Variants in CNTN3 observed in about 807,000 individuals in gnomAD.
CNTN3 encodes the protein contactin 3, also known as contactin-3.
CNTN3 carries 60 observed loss-of-function variants against 119.1 expected under a neutral mutation model. The observed-to-expected ratio is 0.50, with a 90% CI of 0.41 to 0.62. The LOEUF is 0.62. Ranked by LOEUF, CNTN3 falls within the 20% of genes least tolerant of loss-of-function variation. The probability of loss-of-function intolerance (pLI) is 0.00; values close to 1 mark genes in which losing one functional copy is unlikely to be tolerated. For missense variants in CNTN3, 1,101 were observed against 1,242.4 expected (o/e 0.89, Z 1.71); for synonymous variants, 450 against 438.7 (o/e 1.03, Z -0.32).
chr3:74,555,563 G>A (rs888327657), intron 1 of CNTN3, among the ~76,000 whole-genome samples: 40 of 152,172 alleles, frequency 2.6e-4, no homozygotes, highest in Middle Eastern at 3.4e-3. Flanking sequence ...TGGTTGGTAG[G>A]CTATTAATTA....
chr3:74,427,113 A>G (rs1216990998), intron 4 of CNTN3, among the ~76,000 whole-genome samples: 1 of 152,254 alleles, frequency 6.6e-6, no homozygotes, highest in Non-Finnish European at 1.5e-5. Context: ...AGAGACAAGC[A>G]TGGCTACTCT....
intron 1 of CNTN3, among the ~76,000 whole-genome samples, chr3:74,557,847 C>T (rs1704094421): frequency 6.6e-6 from 1 of 152,038 alleles, no homozygotes; most frequent in African/African-American, 2.4e-5. Context: ...AGTATTTTGT[C>T]CTATTAGCTG....
chr3:74,548,720 T>C (rs527534075), intron 1 of CNTN3, among the ~76,000 whole-genome samples: 1 of 152,322 alleles, frequency 6.6e-6, no homozygotes, highest in Non-Finnish European at 1.5e-5. Context: ...GGGAATAACA[T>C]TATTCAATGA....
intron 2 of CNTN3, among the ~76,000 whole-genome samples, chr3:74,507,626 CTTT>C (rs59540461): frequency 1.4e-4 from 15 of 103,650 alleles, no homozygotes; most frequent in Admixed American, 8.4e-4. Flanking sequence ...TTCTTTCTTT[CTTT>C]TTTTTTTTTT....
chr3:74,308,639 C>T (rs1274472289), intron 13 of CNTN3, among the ~76,000 whole-genome samples: 1 of 151,124 alleles, frequency 6.6e-6, no homozygotes, highest in African/African-American at 2.4e-5. Flanking sequence ...CTGGCCAGTG[C>T]GATGTGTTGA....
At chr3:74,388,587 AATT>A (rs1704816038) in intron 5 of CNTN3, among the ~76,000 whole-genome samples, 2 of 152,200 alleles carry the variant, frequency 1.3e-5, no homozygotes, top group Non-Finnish European at 2.9e-5. Flanking sequence ...AAATCCCAGT[AATT>A]ATATTTAGTC....
At chr3:74,393,934 T>C (rs1396023902) in intron 5 of CNTN3, among the ~76,000 whole-genome samples, 2 of 152,118 alleles carry the variant, frequency 1.3e-5, no homozygotes, top group East Asian at 1.9e-4. Context: ...ACTTAGAGCA[T>C]CATAAAAGTA....
At chr3:74,557,405 C>G (rs1260430642) in intron 1 of CNTN3, among the ~76,000 whole-genome samples, 1 of 151,976 alleles carries the variant, frequency 6.6e-6, no homozygotes, top group Non-Finnish European at 1.5e-5. Flanking sequence ...TTGAAACATC[C>G]ACTTGTAGAG....
intron 1 of CNTN3, among the ~76,000 whole-genome samples, chr3:74,572,281 T>C (rs923990232): frequency 1.3e-5 from 2 of 152,134 alleles, no homozygotes; most frequent in Non-Finnish European, 1.5e-5. Flanking sequence ...TAACCAGCAA[T>C]TGCACTTCCA....
intron 13 of CNTN3, among the ~76,000 whole-genome samples, chr3:74,311,396 T>C (rs544863509): frequency 6.0e-4 from 92 of 152,226 alleles, no homozygotes; most frequent in Non-Finnish European, 9.6e-4. Flanking sequence ...AATTTTAAAG[T>C]TAGGATAAGA....
At chr3:74,340,449 T>C (rs1703506437) in intron 11 of CNTN3, among the ~76,000 whole-genome samples, 1 of 151,942 alleles carries the variant, frequency 6.6e-6, no homozygotes, top group Admixed American at 6.6e-5. Flanking sequence ...AGAGAAGTCT[T>C]GGAGGAAAGA....
At chr3:74,527,067 T>C (rs996911482) in intron 1 of CNTN3, among the ~76,000 whole-genome samples, 6 of 151,920 alleles carry the variant, frequency 3.9e-5, no homozygotes, top group Non-Finnish European at 8.8e-5. Context: ...ATCATATGTA[T>C]ATATGTGTAT....
chr3:74,510,947 T>C (rs1440788429), intron 2 of CNTN3, among the ~76,000 whole-genome samples: 1 of 152,182 alleles, frequency 6.6e-6, no homozygotes, highest in South Asian at 2.1e-4. Context: ...GGCTAGTTTG[T>C]TTTTTTCAAG....
intron 5 of CNTN3, among the ~76,000 whole-genome samples, chr3:74,420,319 G>A (rs150643710): frequency 2.7e-4 from 41 of 152,288 alleles, no homozygotes; most frequent in Admixed American, 2.0e-3. Flanking sequence ...ATACTATCTT[G>A]TAAATTACAT....
intron 1 of CNTN3, among the ~76,000 whole-genome samples, chr3:74,554,466 A>T (rs934518747): frequency 6.6e-6 from 1 of 152,180 alleles, no homozygotes; most frequent in Non-Finnish European, 1.5e-5. Flanking sequence ...AGTCAGTGGT[A>T]GCTTGATGGG....
intron 1 of CNTN3, among the ~76,000 whole-genome samples, chr3:74,563,845 T>C (rs1320698073): frequency 6.6e-6 from 1 of 152,154 alleles, no homozygotes; most frequent in Admixed American, 6.6e-5. Flanking sequence ...TCTCATTGTG[T>C]GTTTTCTGAA....
At chr3:74,588,526 C>A (rs1004541557) in intron 1 of CNTN3, among the ~76,000 whole-genome samples, 3 of 152,030 alleles carry the variant, frequency 2.0e-5, no homozygotes, top group African/African-American at 7.2e-5. Context: ...AATGGCCATA[C>A]TGCCCAAGGT....
At chr3:74,294,107 C>T (rs1397536080) in intron 19 of CNTN3, among the ~76,000 whole-genome samples, 1 of 152,110 alleles carries the variant, frequency 6.6e-6, no homozygotes, top group Non-Finnish European at 1.5e-5. Flanking sequence ...GTGATGCAAA[C>T]CTGCCTGTGT....
intron 5 of CNTN3, among the ~76,000 whole-genome samples, chr3:74,394,715 G>C (rs1271404994): frequency 6.6e-6 from 1 of 152,142 alleles, no homozygotes; most frequent in East Asian, 1.9e-4. Flanking sequence ...AACAAAGTTA[G>C]AGAAAGGCTT....
Sources: gnomAD v4.1 joint callset for allele counts (sites outside exome capture counted in the v4.1 genomes callset) on GRCh38, gnomAD v4.1.1 for gene constraint, MANE v1.5 for transcripts, NCBI Gene and HGNC (gene_info 2026-07-23, HGNC 2026-07-21) for gene names.